The following COL6A6 variants were observed in gnomAD, a reference collection of about 807,000 sequenced individuals.
COL6A6 encodes the protein collagen type VI alpha 6 chain, also known as collagen alpha-6(VI) chain.
A neutral mutation model predicts 208.6 loss-of-function variants in COL6A6; 183 were observed. The observed-to-expected ratio is 0.88, with a 90% CI of 0.78 to 0.99. The LOEUF (loss-of-function observed/expected upper bound fraction) is 0.99. COL6A6 is among the 50% of genes least tolerant of loss of function. The probability of loss-of-function intolerance (pLI) is 0.00; values close to 1 mark genes in which losing one functional copy is unlikely to be tolerated. For synonymous variants in COL6A6, 973 were observed against 1,011.8 expected (o/e 0.96, Z 0.73); for missense variants, 2,816 against 2,815.2 (o/e 1.00, Z -0.01).
chr3:130,662,212 C>G lies in COL6A6; in HGVS notation c.6406C>G (p.Pro2136Ala), dbSNP rs760622087. The G allele has an allele frequency of 3.3e-5, 54 of 1,613,886 alleles. No homozygotes were observed. In the Middle Eastern group the frequency reaches 8.2e-4, roughly 25 times the overall value. Residue 2136 changes from proline to alanine, a missense_variant, in exon 35 of 37, where the codon CCT becomes GCT. By Grantham distance (27) the Pro-to-Ala change is conservative (BLOSUM62 -1). Coordinates refer to ENST00000358511, the MANE Select transcript of COL6A6 (RefSeq NM_001102608.3). ...GGAACTGGAGGATCTCGCCAGCCAC[C>G]CTTTGGATCACCACCTGGTCCAGCT... ...DKELEDLASH[P>A]LDHHLVQLGR...
chr3:130,646,909 G>A (rs753485173), intron 32 of COL6A6, among the ~76,000 whole-genome samples: 3 of 152,190 alleles, frequency 2.0e-5, no homozygotes, highest in Non-Finnish European at 4.4e-5. Flanking sequence ...TGTGGCAAGG[G>A]TGAAGGGTAG....
At chr3:130,638,297 G>C (rs568080596) in intron 28 of COL6A6, among the ~76,000 whole-genome samples, 1 of 152,212 alleles carries the variant, frequency 6.6e-6, no homozygotes, top group African/African-American at 2.4e-5. Flanking sequence ...TAAGCATTAT[G>C]AACTGATTCC....
intron 36 of COL6A6, among the ~76,000 whole-genome samples, chr3:130,674,456 T>TAA (rs1402359557): frequency 1.3e-5 from 2 of 152,196 alleles, no homozygotes; most frequent in Non-Finnish European, 2.9e-5. Context: ...TCCTCTTTAC[T>TAA]GTTGGGTTAC....
Position 130,568,160 on chromosome 3 carries a change from C to G in COL6A6, c.1957C>G (p.Gln653Glu). 1 of 1,614,020 alleles carries G rather than the reference C, an allele frequency of 6.2e-7. No homozygotes were observed. Among genetic ancestry groups the G allele is most frequent in the Non-Finnish European group, 8.5e-7 (1 of 1,179,894 alleles). ...TATGAAAAACCTGGTGAGCAAGTCT[C>G]AGATTGGACCAGATCGGGTGCAAAT... Reference protein sequence around the residue: ...TFMKNLVSKSQIGPDRVQIGV... With the variant: ...TFMKNLVSKSEIGPDRVQIGV... The change falls in exon 6 of 37, where the codon CAG becomes GAG. Residue 653 changes from glutamine to glutamate, a missense_variant. By Grantham distance (29) the Gln-to-Glu change is conservative. Coordinates refer to ENST00000358511, the MANE Select transcript of COL6A6 (RefSeq NM_001102608.3).
intron 1 of COL6A6, among the ~76,000 whole-genome samples, chr3:130,555,580 A>ACCTTTT (rs1253960228): frequency 3.3e-5 from 5 of 151,978 alleles, no homozygotes; most frequent in Non-Finnish European, 7.4e-5. Context: ...AGAGTGGATC[A>ACCTTTT]CCTTTTCCTT....
chr3:130,563,153 C>T lies in COL6A6; in HGVS notation c.150C>T (p.Ile50=). 5.6e-6 allele frequency: 9 copies of T among 1,614,008 alleles called. No homozygotes were observed. The highest frequency in any genetic ancestry group is 6.8e-6 in the Non-Finnish European group (8 of 1,179,902). ...SKSFPFVKMF[I]TKMISSLPIE... ...CCTTCCCATTTGTGAAAATGTTCATCACCAAAATGATCAGCAGTCTCCCCA... is the reference window on the plus strand; with the variant it reads ...CCTTCCCATTTGTGAAAATGTTCATTACCAAAATGATCAGCAGTCTCCCCA... Residue 50 remains isoleucine, a synonymous_variant, in exon 3 of 37, where the codon ATC becomes ATT. Coordinates refer to ENST00000358511, the MANE Select transcript of COL6A6 (RefSeq NM_001102608.3).
chr3:130,674,127 T>G (rs1316962178), intron 36 of COL6A6, among the ~76,000 whole-genome samples: 1 of 152,344 alleles, frequency 6.6e-6, no homozygotes, highest in South Asian at 2.1e-4. Flanking sequence ...AGAATGTGTT[T>G]GAACCCAAAA....
At chr3:130,624,892 T>A (rs1311485866) in intron 24 of COL6A6, among the ~76,000 whole-genome samples, 1 of 152,176 alleles carries the variant, frequency 6.6e-6, no homozygotes, top group African/African-American at 2.4e-5. Flanking sequence ...AAGTTCACAT[T>A]TCCAGGAGGC....
At chr3:130,589,915 CTATGTCTCTGAA>C (rs1327518115) in intron 12 of COL6A6, 8 of 409,960 alleles carry the variant, frequency 2.0e-5, no homozygotes, top group Admixed American at 1.0e-4. Flanking sequence ...ATCACCAGGG[CTATGTCTCTGAA>C]TATGTCTCTG....
chr3:130,658,816 C>T (rs772906196), intron 34 of COL6A6, 44 bp downstream of exon 34: 4 of 1,374,952 alleles, frequency 2.9e-6, no homozygotes, highest in Non-Finnish European at 4.1e-6. Context: ...GCCTATTAAG[C>T]ATGATGAGTC....
chr3:130,624,332 CCTGAGAAAAGGGGTTAACTTTGTA>C (rs1374522184), intron 24 of COL6A6, among the ~76,000 whole-genome samples: 1 of 151,958 alleles, frequency 6.6e-6, no homozygotes, highest in Non-Finnish European at 1.5e-5. Context: ...AGCTTGAGGG[CCTGAGAAAAGGGGTTAACTTTGTA>C]CTGAAGAATT....
intron 1 of COL6A6, among the ~76,000 whole-genome samples, chr3:130,550,787 T>C (rs2062625131): frequency 6.6e-6 from 1 of 152,184 alleles, no homozygotes; most frequent in Non-Finnish European, 1.5e-5. Flanking sequence ...ATTTTGGTGG[T>C]GACACAGCCA....
At chr3:130,521,866 G>A (rs1286836782) in intron 1 of COL6A6, among the ~76,000 whole-genome samples, 2 of 152,188 alleles carry the variant, frequency 1.3e-5, no homozygotes, top group Non-Finnish European at 2.9e-5. Flanking sequence ...TTCCTCCAGA[G>A]GTACCCAATG....
At chr3:130,532,332 AC>A (rs965021910) in intron 1 of COL6A6, among the ~76,000 whole-genome samples, 8 of 151,760 alleles carry the variant, frequency 5.3e-5, no homozygotes, top group South Asian at 2.1e-4. Context: ...TAGTTTCTGT[AC>A]CCCCCCATCC....
chr3:130,567,292 C>T (rs757888264), intron 5 of COL6A6, 30 bp downstream of exon 5: 15 of 1,510,730 alleles, frequency 9.9e-6, no homozygotes, highest in East Asian at 2.3e-5. Context: ...TACCTACTGA[C>T]CTTCACTCGC....
At chr3:130,561,850 C>T (rs1181655205) in intron 2 of COL6A6, among the ~76,000 whole-genome samples, 2 of 151,192 alleles carry the variant, frequency 1.3e-5, no homozygotes, top group African/African-American at 2.4e-5. Flanking sequence ...GACGGGGTTT[C>T]ACCTTGTTAG....
At chr3:130,585,725 C>G (rs918867123) in intron 10 of COL6A6, among the ~76,000 whole-genome samples, 1 of 152,178 alleles carries the variant, frequency 6.6e-6, no homozygotes, top group Admixed American at 6.6e-5. Flanking sequence ...GCCTGTTACT[C>G]TTTTACTACT....
chr3:130,581,768 C>G lies in COL6A6; in HGVS notation c.3755C>G (p.Pro1252Arg), dbSNP rs1424381323. 2 of 1,613,840 alleles carry G rather than the reference C, an allele frequency of 1.2e-6. No homozygotes were observed. ...QVTNAMEKYS[P>R]KFEIYSENIL... ...ACCAATGCCATGGAAAAATATTCTC[C>G]CAAGTTTGAGATCTACAGTGAAAAC... The change falls in exon 9 of 37, where the codon CCC (proline) becomes CGC (arginine). Residue 1252 changes from proline to arginine, a missense_variant. Transcript: ENST00000358511.
In COL6A6 at chr3:130,633,943, C is replaced by A. The variant is rs1387859766; in HGVS notation, c.4993-647C>A. Among the ~76,000 whole-genome samples the A allele has an allele frequency of 5.0e-5, 2 of 40,288 alleles. 1 individual carries two copies. The highest frequency in any genetic ancestry group is 7.3e-4 in the African/African-American group (2 of 2,742). 26.4% of individuals were successfully genotyped at this position (40,288 alleles called of 152,430 possible). On this transcript the variant is annotated intron_variant, in intron 26 of 36. Coordinates refer to ENST00000358511, the MANE Select transcript of COL6A6 (RefSeq NM_001102608.3). ...GGGAGGGATAGCATTGGGAGATATA[C>A]CTAATGCTAGATGACACATTAGTGG...
Sources: allele counts gnomAD v4.1 joint callset (sites outside exome capture counted in the v4.1 genomes callset), GRCh38; gene constraint gnomAD v4.1.1; transcripts MANE v1.5; gene names NCBI Gene and HGNC (gene_info 2026-07-23, HGNC 2026-07-21).